Variants in P2RY10 observed in about 807,000 individuals in gnomAD.
P2RY10 encodes the protein putative P2Y purinoceptor 10.
Under a neutral mutation model 12.1 loss-of-function variants are expected in P2RY10, and 4 were observed. The ratio of observed to expected loss-of-function variants is 0.33; its 90% CI spans 0.16 to 0.76. The LOEUF is 0.76. Ranked by LOEUF, P2RY10 falls within the 30% of genes least tolerant of loss-of-function variation. The pLI, the probability that P2RY10 is intolerant of heterozygous loss-of-function variation, is 0.61. For synonymous variants in P2RY10, 112 were observed against 94.1 expected (o/e 1.19, Z -1.10); for missense variants, 233 against 264.6 (o/e 0.88, Z 0.83).
chrX:78,949,883 G>T (rs1478691152), intron 2 of P2RY10, among the ~76,000 whole-genome samples: 1 of 111,286 alleles, frequency 9.0e-6, no homozygotes, highest in East Asian at 2.8e-4. Context: ...AGAACACCGG[G>T]GTCATGGAGA....
In P2RY10 at chrX:78,960,646, C is replaced by A. The variant is rs1293655109; in HGVS notation, c.126C>A (p.Ile42=). The A allele has an allele frequency of 2.5e-6, 3 of 1,210,917 alleles. No homozygotes were observed. Among genetic ancestry groups the A allele is most frequent in the Non-Finnish European group, 3.4e-6 (3 of 894,865 alleles). The change falls in exon 4 of 4, where the codon ATC becomes ATA. Residue 42 remains isoleucine (I), a synonymous_variant. Coordinates refer to ENST00000171757, the MANE Select transcript of P2RY10 (RefSeq NM_014499.4). ...ACTCCCTCTATGCAACCACCTATAT[C>A]CTCATATTCATTCCTGGTCTTCTGG... ...FQYSLYATTY[I]LIFIPGLLAN...
At chrX:78,956,610 T>C (rs1407058136) in intron 3 of P2RY10, among the ~76,000 whole-genome samples, 1 of 110,116 alleles carries the variant, frequency 9.1e-6, no homozygotes, top group Non-Finnish European at 1.9e-5. Context: ...ATTACAAATG[T>C]TGATGCTAAA....
In P2RY10 at chrX:78,960,838, C is replaced by T. The variant is rs754221858; in HGVS notation, c.318C>T (p.Cys106=). The change falls in exon 4 of 4, where the codon TGC becomes TGT. Residue 106 remains cysteine, a synonymous_variant. Coordinates refer to ENST00000171757, the MANE Select transcript of P2RY10 (RefSeq NM_014499.4). ...SHHWPFQRAL[C]LLCFYLKYLN... ...ACTGGCCTTTCCAGAGAGCCCTTTG[C>T]CTGCTCTGCTTCTACCTGAAGTATC... 1.7e-6 allele frequency: 2 copies of T among 1,210,553 alleles called. No homozygotes were observed. The highest frequency in any genetic ancestry group is 1.8e-5 in the South Asian group (1 of 56,963).
rs1210286044 is a variant in P2RY10 at position 78,961,696 on chromosome X, G to C, written c.*156G>C. ...TCACAGTCAACAGGGGTGTGATGGT[G>C]AAGGCAGAGTGTGAAAAACGTGAGA... On this transcript the variant is annotated 3_prime_UTR_variant, in exon 4 of 4. Transcript: ENST00000171757. 2.5e-6 allele frequency: 1 copy of C among 395,370 alleles called. No individual in the cohort carries two copies. Among genetic ancestry groups the C allele is most frequent in the African/African-American group, 2.6e-5 (1 of 39,063 alleles). 32.6% of individuals were successfully genotyped at this position (395,370 alleles called of 1,213,427 possible).
chrX:78,954,505 C>T (rs778660051), intron 3 of P2RY10, among the ~76,000 whole-genome samples: 10 of 112,050 alleles, frequency 8.9e-5, no homozygotes, highest in Non-Finnish European at 1.9e-4. Context: ...CAAAATCCTG[C>T]CCATTCCCAA....
chrX:78,957,817 G>T (rs773446756), intron 3 of P2RY10, among the ~76,000 whole-genome samples: 5 of 112,308 alleles, frequency 4.5e-5, no homozygotes, highest in Non-Finnish European at 9.4e-5. Flanking sequence ...TTGACCTCTA[G>T]CTTGCTGTTC....
rs1189779943 is a variant in P2RY10, at chrX:78,962,252, C to T, written c.*712C>T. On this transcript the variant is annotated 3_prime_UTR_variant, in exon 4 of 4. Coordinates refer to ENST00000171757, the MANE Select transcript of P2RY10 (RefSeq NM_014499.4). The stretch of plus-strand genomic sequence containing the variant: ...GCCATCACCCGAGCAGTATACACTG[C>T]ACCACATTTGTAGTCTTCTATCCCT... Among the ~76,000 whole-genome samples, 1 of 110,948 alleles carries T rather than the reference C, an allele frequency of 9.0e-6. No individual in the cohort carries two copies. Among genetic ancestry groups the T allele is most frequent in the Non-Finnish European group, 1.9e-5 (1 of 53,051 alleles).
chrX:78,953,684 C>G (rs1005278951), intron 3 of P2RY10, among the ~76,000 whole-genome samples: 7 of 111,239 alleles, frequency 6.3e-5, no homozygotes, highest in African/African-American at 2.3e-4. Flanking sequence ...TTGCTTTGGA[C>G]TGTCACAGGT....
intron 1 of P2RY10, among the ~76,000 whole-genome samples, chrX:78,946,910 G>A (rs1183977269): frequency 9.8e-5 from 11 of 111,739 alleles, no homozygotes; most frequent in Non-Finnish European, 5.6e-5. Context: ...AAGTGAGTTG[G>A]GGTTTTAAAA....
Position 78,962,959 on chromosome X carries a change from G to A in P2RY10, c.*1419G>A, listed in dbSNP as rs1460414930. Among the ~76,000 whole-genome samples the A allele has an allele frequency of 2.7e-5, 3 of 112,177 alleles. No homozygotes were observed. The stretch of plus-strand genomic sequence containing the variant: ...ACAATATCTGCATTAGAAACAGAAA[G>A]TATTATCCATCATAAATATGAGAAA... On this transcript the variant is annotated 3_prime_UTR_variant, in exon 4 of 4. Transcript: ENST00000171757.
Position 78,961,564 on chromosome X carries a change from G to T in P2RY10, c.*24G>T, listed in dbSNP as rs993850471. The T allele has an allele frequency of 9.2e-7, 1 of 1,090,280 alleles. No individual in the cohort carries two copies. The highest frequency in any genetic ancestry group is 1.2e-6 in the Non-Finnish European group (1 of 800,687). 89.9% of individuals were successfully genotyped at this position (1,090,280 alleles called of 1,213,427 possible). A position where few individuals can be genotyped will look rare whatever the true frequency, so the allele number is the denominator to read the frequency against. ...AAAATTAAGATATCTCTTTAATTAC[G>T]CCTTTGTTTACCTACGTTCCTTGTC... On this transcript the variant is annotated 3_prime_UTR_variant, in exon 4 of 4. Coordinates refer to ENST00000171757, the MANE Select transcript of P2RY10 (RefSeq NM_014499.4).
chrX:78,961,457 CG>C lies in P2RY10; in HGVS notation c.938del (p.Arg313LeufsTer11). The C allele has an allele frequency of 8.3e-7, 1 of 1,210,548 alleles. No individual in the cohort carries two copies. On this transcript the variant is annotated frameshift_variant, in exon 4 of 4. Coordinates refer to ENST00000171757, the MANE Select transcript of P2RY10 (RefSeq NM_014499.4). LOFTEE classifies it high-confidence loss of function. ...ILYYFMASEF[R>X]DQLSRHGSSV... ...TTATTACTTTATGGCTTCAGAGTTTCGTGACCAACTATCCCGCCATGGCAGT... is the reference window on the plus strand; with the variant it reads ...TTATTACTTTATGGCTTCAGAGTTTCTGACCAACTATCCCGCCATGGCAGT...
At chrX:78,954,157 G>A (rs1005655770) in intron 3 of P2RY10, among the ~76,000 whole-genome samples, 5 of 111,880 alleles carry the variant, frequency 4.5e-5, no homozygotes, top group Admixed American at 1.9e-4. Flanking sequence ...ACAGGTGTGA[G>A]CCACCACACC....
rs1334999031 is a variant in P2RY10 at position 78,959,056 on chromosome X, AAC to A, written c.-13-1450_-13-1449del. Among the ~76,000 whole-genome samples, 89 of 111,388 alleles carry A rather than the reference AAC, an allele frequency of 8.0e-4. 2 individuals are homozygous for A. The highest frequency in any genetic ancestry group is 2.1e-4 in the Non-Finnish European group (11 of 53,073). ...TTACTTTAAACAAAACAAAAAAAAA[AAC>A]AATAAACAACAGAAACCCTTCCCCA... On this transcript the variant is annotated intron_variant, in intron 3 of 3. Coordinates refer to ENST00000171757, the MANE Select transcript of P2RY10 (RefSeq NM_014499.4).
At chrX:78,947,404 A>C (rs778708578) in intron 1 of P2RY10, among the ~76,000 whole-genome samples, 1 of 112,082 alleles carries the variant, frequency 8.9e-6, no homozygotes, top group Non-Finnish European at 1.9e-5. Flanking sequence ...TTTATTCTTC[A>C]GATCAGTATA....
intron 2 of P2RY10, among the ~76,000 whole-genome samples, chrX:78,948,473 A>C (rs1185199254): frequency 9.0e-6 from 1 of 111,688 alleles, no homozygotes; most frequent in Admixed American, 9.5e-5. Flanking sequence ...TTTCATTTCT[A>C]TTTCAATATT....
chrX:78,957,610 C>T (rs1922402605), intron 3 of P2RY10, among the ~76,000 whole-genome samples: 1 of 110,894 alleles, frequency 9.0e-6, no homozygotes, highest in Admixed American at 9.6e-5. Flanking sequence ...TACCTTCTGC[C>T]TCTCCTCATC....
chrX:78,955,784 C>T (rs1381498346), intron 3 of P2RY10, among the ~76,000 whole-genome samples: 1 of 111,544 alleles, frequency 9.0e-6, no homozygotes, highest in Non-Finnish European at 1.9e-5. Context: ...ATTTCCTTCA[C>T]CTTTAAAAGA....
intron 2 of P2RY10, among the ~76,000 whole-genome samples, chrX:78,951,991 C>T (rs1922124327): frequency 8.9e-6 from 1 of 111,820 alleles, no homozygotes; most frequent in Non-Finnish European, 1.9e-5. Context: ...ATTCAGCTCC[C>T]ACTTATAAGT....
Sources: gnomAD v4.1 joint callset for allele counts (sites outside exome capture counted in the v4.1 genomes callset) on GRCh38, gnomAD v4.1.1 for gene constraint, MANE v1.5 for transcripts, NCBI Gene and HGNC (gene_info 2026-07-23, HGNC 2026-07-21) for gene names.